UTS2: variants seen among roughly 807,000 people sequenced by gnomAD.
UTS2 encodes the protein urotensin-2.
UTS2 carries 10 observed loss-of-function variants against 12.6 expected under a neutral mutation model. The observed-to-expected ratio is 0.80, with a 90% confidence interval of 0.49 to 1.35. The LOEUF (loss-of-function observed/expected upper bound fraction) is 1.35. Ranked by LOEUF, UTS2 falls within the 40% of genes most tolerant of loss-of-function variation. The pLI, the probability that UTS2 is intolerant of heterozygous loss-of-function variation, is 0.00. For missense variants in UTS2, 142 were observed against 143.2 expected, an observed-to-expected ratio of 0.99 and a Z score of 0.04; for synonymous variants, 52 against 50.0, an observed-to-expected ratio of 1.04 and a Z score of -0.17.
At chr1:7,890,829 T>A in the UTS2 span, among the ~76,000 whole-genome samples, 1 of 129,852 alleles carries the variant, frequency 7.7e-6, no homozygotes, top group South Asian at 2.4e-4. Flanking sequence ...GCAATCTGAG[T>A]GACTAAGACT....
chr1:7,905,920 G>A, the UTS2 span, among the ~76,000 whole-genome samples: 2 of 152,048 alleles, frequency 1.3e-5, no homozygotes, highest in Admixed American at 1.3e-4. Flanking sequence ...CTTGCCGGGT[G>A]AGGGGTGTCT....
At chr1:7,904,312 A>T in the UTS2 span, among the ~76,000 whole-genome samples, 9,448 of 147,240 alleles carry the variant, frequency 0.064, 1,007 homozygotes, top group African/African-American at 0.24. Context: ...CAAAAAATAA[A>T]AAAAAAAAAA....
chr1:7,860,670 G>A, the UTS2 span, among the ~76,000 whole-genome samples: 1 of 151,680 alleles, frequency 6.6e-6, no homozygotes, highest in African/African-American at 2.4e-5. Flanking sequence ...CCTGGCTCAA[G>A]CCATCCTCCT....
At chr1:7,870,869 G>A in the UTS2 span, among the ~76,000 whole-genome samples, 5 of 152,236 alleles carry the variant, frequency 3.3e-5, no homozygotes, top group East Asian at 5.8e-4. Flanking sequence ...TTTTTTACTC[G>A]TTTCATGAAA....
chr1:7,892,467 ATGTTT>A, the UTS2 span, among the ~76,000 whole-genome samples: 3 of 112,282 alleles, frequency 2.7e-5, no homozygotes, highest in East Asian at 7.6e-4. Context: ...TTCCTCATGC[ATGTTT>A]TTTTTTTTTT....
At chr1:7,885,900 G>A in the UTS2 span, among the ~76,000 whole-genome samples, 1 of 92,604 alleles carries the variant, frequency 1.1e-5, no homozygotes, top group Non-Finnish European at 2.2e-5. Flanking sequence ...GGTGGTGGGG[G>A]GGTGGGGTGG....
the UTS2 span, among the ~76,000 whole-genome samples, chr1:7,890,971 C>CCCCG: frequency 6.6e-6 from 1 of 151,048 alleles, no homozygotes; most frequent in Non-Finnish European, 1.5e-5. Flanking sequence ...CCCTCCACCC[C>CCCCG]CCCCCACAAA....
At chr1:7,895,212 T>G in the UTS2 span, among the ~76,000 whole-genome samples, 1 of 151,784 alleles carries the variant, frequency 6.6e-6, no homozygotes, top group African/African-American at 2.4e-5. Context: ...CTACTAAAAA[T>G]ACAAAAATTA....
the UTS2 span, among the ~76,000 whole-genome samples, chr1:7,895,587 A>G: frequency 1.3e-5 from 2 of 152,164 alleles, no homozygotes; most frequent in Non-Finnish European, 2.9e-5. Context: ...TCAATTATTA[A>G]TTGACAGATA....
chr1:7,862,955 A>G, the UTS2 span, among the ~76,000 whole-genome samples: 1 of 151,506 alleles, frequency 6.6e-6, no homozygotes, highest in African/African-American at 2.4e-5. Flanking sequence ...GTTTCCAATA[A>G]GGCCTACCCT....
chr1:7,911,391 G>A, the UTS2 span, among the ~76,000 whole-genome samples: 2 of 151,866 alleles, frequency 1.3e-5, no homozygotes, highest in Non-Finnish European at 2.9e-5. Context: ...CTGGGTGCTT[G>A]ATTTGTGTGA....
the UTS2 span, among the ~76,000 whole-genome samples, chr1:7,913,069 T>C: frequency 6.6e-6 from 1 of 150,982 alleles, no homozygotes; most frequent in Non-Finnish European, 1.5e-5. Flanking sequence ...GAGCTAATAG[T>C]CGATTTACAA....
At chr1:7,889,574 G>A in the UTS2 span, among the ~76,000 whole-genome samples, 1 of 152,284 alleles carries the variant, frequency 6.6e-6, no homozygotes, top group African/African-American at 2.4e-5. Flanking sequence ...GGAGGCCAAG[G>A]CAGATGGATC....
intron 3 of UTS2, among the ~76,000 whole-genome samples, chr1:7,849,308 G>C (rs112820229): frequency 0.011 from 1,722 of 152,046 alleles, 31 homozygotes; most frequent in African/African-American, 0.04. Context: ...TCTGCCTCCC[G>C]GGTTCAAGCG....
chr1:7,847,634 T>C lies in UTS2; in HGVS notation c.*132A>G. 1 of 703,100 alleles carries C rather than the reference T, an allele frequency of 1.4e-6. No individual in the cohort carries two copies. Among genetic ancestry groups the C allele is most frequent in the Non-Finnish European group, 2.4e-6 (1 of 409,138 alleles). 43.6% of individuals were successfully genotyped at this position (703,100 alleles called of 1,614,324 possible). ...ATATGTGCAAAACATAGAGGATTTATTTTCCAGGTAACAATGAACAGGGTG... is the reference window on the plus strand; with the variant it reads ...ATATGTGCAAAACATAGAGGATTTACTTTCCAGGTAACAATGAACAGGGTG... On this transcript the variant is annotated 3_prime_UTR_variant, in exon 4 of 4. Coordinates refer to ENST00000361696, the MANE Select transcript of UTS2 (RefSeq NM_006786.4).
chr1:7,883,942 G>A, the UTS2 span, among the ~76,000 whole-genome samples: 1 of 151,994 alleles, frequency 6.6e-6, no homozygotes, highest in Non-Finnish European at 1.5e-5. Flanking sequence ...AGCCTCCTGA[G>A]TAGCTGGGAT....
chr1:7,910,462 T>A, the UTS2 span, among the ~76,000 whole-genome samples: 4 of 152,076 alleles, frequency 2.6e-5, no homozygotes, highest in African/African-American at 9.7e-5. Flanking sequence ...CCCCACTCAG[T>A]CCACTAGCAT....
At chr1:7,868,259 C>T in the UTS2 span, among the ~76,000 whole-genome samples, 5 of 152,156 alleles carry the variant, frequency 3.3e-5, no homozygotes, top group Admixed American at 6.5e-5. Flanking sequence ...ACGATAATGC[C>T]GCTACTGATT....
At chr1:7,890,687 T>C in the UTS2 span, among the ~76,000 whole-genome samples, 2 of 144,164 alleles carry the variant, frequency 1.4e-5, no homozygotes, top group Non-Finnish European at 3.0e-5. Context: ...AGATCTGGAG[T>C]TGGAGATCAG....
Sources: gnomAD v4.1 joint callset for allele counts (sites outside exome capture counted in the v4.1 genomes callset) on GRCh38, gnomAD v4.1.1 for gene constraint, MANE v1.5 for transcripts, NCBI Gene and HGNC (gene_info 2026-07-23, HGNC 2026-07-21) for gene names.